The following SNX7 variants were observed in gnomAD, a reference collection of about 807,000 sequenced individuals.
SNX7 encodes the protein sorting nexin-7.
SNX7 carries 35 observed loss-of-function variants against 48.4 expected under a neutral mutation model. The observed-to-expected ratio is 0.72, with a 90% CI of 0.55 to 0.96. The LOEUF is 0.96. Among genes scored for constraint, SNX7 ranks in the 40% least tolerant of loss-of-function variants. The probability of loss-of-function intolerance (pLI) is 0.00; values close to 1 mark genes in which losing one functional copy is unlikely to be tolerated. For synonymous variants in SNX7, 190 were observed against 190.2 expected (o/e 1.00, Z 0.01); for missense variants, 553 against 548.9 (o/e 1.01, Z -0.07).
At chr1:98,726,327 A>G (rs1161911644) in intron 7 of SNX7, among the ~76,000 whole-genome samples, 1 of 152,168 alleles carries the variant, frequency 6.6e-6, no homozygotes, top group African/African-American at 2.4e-5. Context: ...GAAAGATGGA[A>G]TGTTATTTCT....
At chr1:98,717,826 C>T (rs1360544302) in intron 7 of SNX7, among the ~76,000 whole-genome samples, 1 of 151,976 alleles carries the variant, frequency 6.6e-6, no homozygotes, top group Non-Finnish European at 1.5e-5. Context: ...TTTCAAAATA[C>T]ACAAAATTAC....
intron 1 of SNX7, among the ~76,000 whole-genome samples, chr1:98,673,743 A>G (rs1282999133): frequency 2.6e-5 from 4 of 152,192 alleles, no homozygotes. Context: ...TTTGGGGAGA[A>G]TGCTTATCAT....
At chr1:98,749,021 C>G (rs543433497) in intron 8 of SNX7, among the ~76,000 whole-genome samples, 1 of 152,144 alleles carries the variant, frequency 6.6e-6, no homozygotes, top group South Asian at 2.1e-4. Context: ...AACACAAAAA[C>G]AGATAAGCTT....
At chr1:98,746,008 A>G (rs1654292745) in intron 8 of SNX7, among the ~76,000 whole-genome samples, 1 of 152,026 alleles carries the variant, frequency 6.6e-6, no homozygotes, top group Non-Finnish European at 1.5e-5. Context: ...CTTTTTTCAA[A>G]TAGAATCTGA....
At chr1:98,750,245 T>A (rs994980377) in intron 8 of SNX7, among the ~76,000 whole-genome samples, 8 of 152,084 alleles carry the variant, frequency 5.3e-5, no homozygotes, top group African/African-American at 1.9e-4. Flanking sequence ...TAGCTGTTTC[T>A]GTCAACAGTG....
chr1:98,757,650 C>A (rs1654915979), intron 8 of SNX7, among the ~76,000 whole-genome samples: 1 of 152,008 alleles, frequency 6.6e-6, no homozygotes, highest in African/African-American at 2.4e-5. Context: ...TTCCCCACCC[C>A]ACCCCAGGGA....
chr1:98,707,057 G>A (rs542040838), intron 7 of SNX7, among the ~76,000 whole-genome samples: 134 of 152,274 alleles, frequency 8.8e-4, no homozygotes, highest in African/African-American at 2.1e-3. Context: ...TATAACATTT[G>A]TCAAGGTCAT....
At chr1:98,712,714 A>G (rs768110908) in intron 7 of SNX7, among the ~76,000 whole-genome samples, 2 of 152,174 alleles carry the variant, frequency 1.3e-5, no homozygotes, top group Admixed American at 6.6e-5. Flanking sequence ...GCTCCTAACA[A>G]GAGAGTCAGG....
chr1:98,755,294 TCA>T (rs1654787741), intron 8 of SNX7, among the ~76,000 whole-genome samples: 1 of 152,120 alleles, frequency 6.6e-6, no homozygotes, highest in Admixed American at 6.6e-5. Context: ...CCTGTAGATC[TCA>T]GTTAGGCAAA....
In SNX7 at chr1:98,674,337, A is replaced by G. The variant is rs116643726; in HGVS notation, c.181-10548A>G. ...TCTGGAGGCCAGAAGTCTGACATCA[A>G]GAAGTCAGCAGAGTTGGTTCCTTCT... On this transcript the variant is annotated intron_variant, in intron 1 of 8. Transcript: ENST00000306121. Among the ~76,000 whole-genome samples the G allele has an allele frequency of 6.4e-3, 971 of 152,274 alleles. 16 individuals carry two copies. Among genetic ancestry groups the G allele is most frequent in the African/African-American group, 0.022 (932 of 41,542 alleles).
intron 7 of SNX7, among the ~76,000 whole-genome samples, chr1:98,705,377 G>C (rs942308283): frequency 3.3e-5 from 5 of 152,140 alleles, no homozygotes; most frequent in Admixed American, 6.6e-5. Flanking sequence ...TGTGACCCAG[G>C]ACAAGTTTTC....
intron 7 of SNX7, among the ~76,000 whole-genome samples, chr1:98,723,336 AAAGT>A (rs55686793): frequency 0.26 from 39,491 of 151,722 alleles, 5,469 homozygotes; most frequent in South Asian, 0.31. Context: ...ATCTCTCAAT[AAAGT>A]TTTAAACGGT....
At chr1:98,709,080 T>G (rs1652167027) in intron 7 of SNX7, among the ~76,000 whole-genome samples, 2 of 152,224 alleles carry the variant, frequency 1.3e-5, no homozygotes, top group Admixed American at 6.5e-5. Context: ...GCCAAGTTCC[T>G]TAACATTCTC....
chr1:98,708,087 C>T (rs1652103197), intron 7 of SNX7, among the ~76,000 whole-genome samples: 1 of 152,168 alleles, frequency 6.6e-6, no homozygotes, highest in Non-Finnish European at 1.5e-5. Context: ...TTTTCTGGCT[C>T]ACTTCTCTCC....
intron 2 of SNX7, among the ~76,000 whole-genome samples, chr1:98,686,103 C>T (rs377383394): frequency 1.3e-5 from 2 of 152,046 alleles, no homozygotes; most frequent in Admixed American, 6.6e-5. Context: ...TTGCTGTGTC[C>T]ATCCCCTTCT....
chr1:98,755,455 TTA>T (rs1446389732), intron 8 of SNX7, among the ~76,000 whole-genome samples: 4 of 148,438 alleles, frequency 2.7e-5, no homozygotes, highest in African/African-American at 1.0e-4. Context: ...TGAAACTCTT[TTA>T]TGTGTGTAAA....
At chr1:98,716,566 G>A (rs1557817365) in intron 7 of SNX7, among the ~76,000 whole-genome samples, 2 of 152,126 alleles carry the variant, frequency 1.3e-5, no homozygotes, top group Non-Finnish European at 2.9e-5. Context: ...ACTACCATGA[G>A]TAGGGGGTGA....
At chr1:98,664,711 A>G (rs1361712042) in intron 1 of SNX7, among the ~76,000 whole-genome samples, 1 of 152,226 alleles carries the variant, frequency 6.6e-6, no homozygotes, top group Non-Finnish European at 1.5e-5. Flanking sequence ...AATATAAATC[A>G]AGAGGGATGG....
intron 1 of SNX7, among the ~76,000 whole-genome samples, chr1:98,683,768 G>T (rs1291050084): frequency 6.6e-6 from 1 of 152,092 alleles, no homozygotes; most frequent in East Asian, 1.9e-4. Context: ...TGGGGTGGGG[G>T]TTGCACCTTC....
Sources: allele counts gnomAD v4.1 joint callset (sites outside exome capture counted in the v4.1 genomes callset), GRCh38; gene constraint gnomAD v4.1.1; transcripts MANE v1.5; gene names NCBI Gene and HGNC (gene_info 2026-07-23, HGNC 2026-07-21).